Variants in EEF1D observed in about 807,000 individuals in gnomAD.
EEF1D encodes elongation factor 1-delta.
EEF1D carries 47 observed loss-of-function variants against 63.9 expected under a neutral mutation model. That is an observed-to-expected ratio of 0.74 (90% CI 0.58 to 0.94). EEF1D has a LOEUF of 0.94. EEF1D is among the 40% of genes least tolerant of loss of function. The pLI, the probability that EEF1D is intolerant of heterozygous loss-of-function variation, is 0.00. For synonymous variants in EEF1D, 412 were observed against 386.1 expected, an observed-to-expected ratio of 1.07 and a Z score of -0.79; for missense variants, 907 against 899.0, an observed-to-expected ratio of 1.01 and a Z score of -0.11.
chr8:143,591,550 G>C (rs907453560), intron 2 of EEF1D, among the ~76,000 whole-genome samples: 1 of 152,226 alleles, frequency 6.6e-6, no homozygotes, highest in East Asian at 1.9e-4. Flanking sequence ...AAGCAGAAAC[G>C]CCTGGGCCTA....
At chr8:143,596,561 C>T (rs928672966) in intron 1 of EEF1D, 1 of 152,308 alleles carries the variant, frequency 6.6e-6, no homozygotes, top group African/African-American at 2.4e-5. Flanking sequence ...TGGCCTGCCT[C>T]CCTGGGAGGT....
At chr8:143,581,651 G>A (rs1000698438) in intron 5 of EEF1D, 3 of 450,760 alleles carry the variant, frequency 6.7e-6, no homozygotes, top group Non-Finnish European at 1.2e-5. Flanking sequence ...GGGAGGTGCT[G>A]AAGGACTCAC....
intron 3 of EEF1D, chr8:143,588,712 AC>A (rs1251631044): frequency 4.2e-6 from 2 of 480,038 alleles, no homozygotes; most frequent in Middle Eastern, 5.4e-4. Flanking sequence ...CCAAAGAGGG[AC>A]CCTGGGCAAG....
chr8:143,580,867 G>A, intron 7 of EEF1D, 140 bp from the exon 8 acceptor site: 1 of 1,182,004 alleles, frequency 8.5e-7, no homozygotes, highest in Non-Finnish European at 1.2e-6. Context: ...GTACATGCAG[G>A]GCCCCAGGAA....
At chr8:143,591,785 C>T (rs1828008645) in intron 2 of EEF1D, among the ~76,000 whole-genome samples, 1 of 152,232 alleles carries the variant, frequency 6.6e-6, no homozygotes, top group African/African-American at 2.4e-5. Context: ...GGTCTTCGCC[C>T]CTCTTCTAAC....
At chr8:143,584,622 G>C (rs79691292) in intron 5 of EEF1D, among the ~76,000 whole-genome samples, 94 of 152,150 alleles carry the variant, frequency 6.2e-4, no homozygotes, top group African/African-American at 2.3e-3. Context: ...GCACCCTGTT[G>C]GCAGAATTCA....
chr8:143,591,111 C>T (rs919622790), intron 2 of EEF1D, among the ~76,000 whole-genome samples: 7 of 152,226 alleles, frequency 4.6e-5, no homozygotes, highest in African/African-American at 1.7e-4. Flanking sequence ...AGCTGGAGTC[C>T]ATACCTTTGG....
At chr8:143,596,789 C>G (rs1828906557) in intron 1 of EEF1D, 1 of 152,338 alleles carries the variant, frequency 6.6e-6, no homozygotes, top group African/African-American at 2.4e-5. Flanking sequence ...ATCCCCGCCC[C>G]CTTCAGAGAC....
chr8:143,580,257 AG>A (rs1554662909), intron 8 of EEF1D, 51 bp from the exon 9 acceptor site: 2 of 1,573,566 alleles, frequency 1.3e-6, no homozygotes, highest in Non-Finnish European at 1.7e-6. Context: ...CAGAACACCC[AG>A]GAAGTACCTG....
chr8:143,596,120 C>G (rs1382208019), intron 1 of EEF1D: 1 of 152,446 alleles, frequency 6.6e-6, no homozygotes, highest in African/African-American at 2.4e-5. Flanking sequence ...ACCCAGCAAC[C>G]CGGGAGCAAA....
At chr8:143,580,271 T>G (rs570952577) in intron 8 of EEF1D, 65 bp from the exon 9 acceptor site, 6 of 1,518,474 alleles carry the variant, frequency 4.0e-6, no homozygotes, top group African/African-American at 1.4e-5. Context: ...AGTACCTGCA[T>G]GCACCCTACC....
In EEF1D at chr8:143,580,553, T is replaced by C; in HGVS notation, c.1663A>G (p.Lys555Glu). 1.9e-6 allele frequency: 3 copies of C among 1,613,154 alleles called. No homozygotes were observed. The highest frequency in any genetic ancestry group is 2.5e-6 in the Non-Finnish European group (3 of 1,179,852). ...LRQYAEKKAK[K>E]PALVAKSSIL... ...GAGGACTTGGCCACCAGTGCAGGCT[T>C]CTTGGCCTTCTTCTCCGCGTACTGC... The change falls in exon 8 of 10, where the codon AAG (lysine) becomes GAG (glutamate). Residue 555 changes from lysine (K) to glutamate (E), a missense_variant. Coordinates refer to ENST00000618139, the MANE Select transcript of EEF1D (RefSeq NM_001130053.5).
At chr8:143,590,469 A>G in intron 2 of EEF1D, 1 of 1,040,212 alleles carries the variant, frequency 9.6e-7, no homozygotes, top group Admixed American at 3.6e-5. Context: ...TAACTGGCTA[A>G]CTAGCTTTCC....
At chr8:143,591,627 C>A (rs1827978704) in intron 2 of EEF1D, among the ~76,000 whole-genome samples, 1 of 152,266 alleles carries the variant, frequency 6.6e-6, no homozygotes, top group African/African-American at 2.4e-5. Flanking sequence ...CGCTGCTAGT[C>A]TGCTGCCTCC....
intron 5 of EEF1D, chr8:143,581,693 G>A (rs959065516): frequency 2.9e-5 from 8 of 276,730 alleles, no homozygotes; most frequent in Admixed American, 1.9e-4. Flanking sequence ...CACGCCTCAG[G>A]GGACCAGGCA....
chr8:143,582,044 C>G (rs1825656219), intron 5 of EEF1D: 2 of 152,310 alleles, frequency 1.3e-5, no homozygotes, highest in Admixed American at 1.3e-4. Flanking sequence ...ATGGAGCTCT[C>G]AGCAAACCCC....
In EEF1D at chr8:143,581,188, G is replaced by A. The variant is rs760372345; in HGVS notation, c.1388-34C>T. On this transcript the variant is annotated intron_variant, in intron 6 of 9. Transcript: ENST00000618139. ...GCAAGGGGAGCACGGTTAGATGGCA[G>A]GGGCCAGGGACAGCCCCAACCCACT... 3 of 1,612,744 alleles carry A rather than the reference G, an allele frequency of 1.9e-6. No individual in the cohort carries two copies. In the South Asian group the frequency reaches 3.3e-5, roughly 18 times the overall value.
chr8:143,581,301 TGCCGCTGGA>T lies in EEF1D; in HGVS notation c.1306_1314del (p.Ser436_Gly438del). 1.2e-6 allele frequency: 2 copies of T among 1,611,954 alleles called. No individual in the cohort carries two copies. Among genetic ancestry groups the T allele is most frequent in the South Asian group, 2.2e-5 (2 of 91,026 alleles). ...ACGAGCTCACCGTGGTCTCCGCTGG[TGCCGCTGGA>T]GGCCCCGGGGCCTGAGCTCTGCAAG... On this transcript the variant is annotated inframe_deletion, in exon 6 of 10. Coordinates refer to ENST00000618139, the MANE Select transcript of EEF1D (RefSeq NM_001130053.5).
intron 1 of EEF1D, 55 bp from the exon 2 acceptor site, chr8:143,592,715 C>A: frequency 2.0e-6 from 2 of 985,688 alleles, no homozygotes; most frequent in Non-Finnish European, 2.4e-6. Context: ...AAAGACTAAC[C>A]GGGTCAGACA....
Sources: allele counts gnomAD v4.1 joint callset (sites outside exome capture counted in the v4.1 genomes callset), GRCh38; gene constraint gnomAD v4.1.1; transcripts MANE v1.5; gene names NCBI Gene and HGNC (gene_info 2026-07-23, HGNC 2026-07-21).